Variants in OR1B1 observed in about 807,000 individuals in gnomAD.
OR1B1 encodes the protein olfactory receptor 1B1.
For missense variants in OR1B1, 414 were observed against 402.1 expected, an observed-to-expected ratio of 1.03 and a Z score of -0.25; for synonymous variants, 168 against 156.2, an observed-to-expected ratio of 1.08 and a Z score of -0.57.
chr9:122,639,705 T>C, the OR1B1 span: 1 of 150,734 alleles, frequency 6.6e-6, no homozygotes, highest in Admixed American at 6.6e-5. Flanking sequence ...CTTTGTAATC[T>C]ATCAAATTTA....
At chr9:122,634,506 ACC>A (rs937131938), upstream of OR1B1, among the ~76,000 whole-genome samples, 1 of 152,082 alleles carries the variant, frequency 6.6e-6, no homozygotes, top group Non-Finnish European at 1.5e-5. Context: ...AGAAGCAAGT[ACC>A]TTCTTCACAA....
At chr9:122,640,232 A>T in the OR1B1 span, among the ~76,000 whole-genome samples, 3 of 151,940 alleles carry the variant, frequency 2.0e-5, no homozygotes, top group Admixed American at 2.0e-4. Context: ...AATACTATAA[A>T]ATTATTAATT....
the OR1B1 span, chr9:122,637,018 C>G: frequency 5.9e-5 from 9 of 152,136 alleles, no homozygotes; most frequent in African/African-American, 1.9e-4. Flanking sequence ...TTTGAAAAGT[C>G]TCATTTTTAG....
the OR1B1 span, among the ~76,000 whole-genome samples, chr9:122,651,990 A>G: frequency 6.6e-6 from 1 of 152,106 alleles, no homozygotes; most frequent in Admixed American, 6.5e-5. Flanking sequence ...TTGAAGAAAA[A>G]AGGTCTTGCT....
chr9:122,652,368 T>A, the OR1B1 span, among the ~76,000 whole-genome samples: 2 of 152,206 alleles, frequency 1.3e-5, no homozygotes, highest in Non-Finnish European at 2.9e-5. Flanking sequence ...TTAGTTAATG[T>A]CATTTTGTTA....
At chr9:122,639,968 G>T in the OR1B1 span, among the ~76,000 whole-genome samples, 1 of 151,884 alleles carries the variant, frequency 6.6e-6, no homozygotes, top group Non-Finnish European at 1.5e-5. Context: ...CACTCCACAT[G>T]CATGATTTCA....
the OR1B1 span, among the ~76,000 whole-genome samples, chr9:122,657,493 G>C: frequency 6.6e-6 from 1 of 152,120 alleles, no homozygotes; most frequent in Non-Finnish European, 1.5e-5. Flanking sequence ...TAGATCAAGG[G>C]CTTTTAGAAC....
chr9:122,635,377 AAAT>A, the OR1B1 span, among the ~76,000 whole-genome samples: 1 of 152,168 alleles, frequency 6.6e-6, no homozygotes, highest in South Asian at 2.1e-4. Flanking sequence ...GGAAGGGAAA[AAAT>A]GAGTAGTTAG....
chr9:122,640,835 CATTT>C, the OR1B1 span, among the ~76,000 whole-genome samples: 1 of 152,124 alleles, frequency 6.6e-6, no homozygotes, highest in African/African-American at 2.4e-5. Context: ...GAAGATAATT[CATTT>C]ATTTATCCAT....
At chr9:122,638,529 C>T in the OR1B1 span, among the ~76,000 whole-genome samples, 1 of 152,102 alleles carries the variant, frequency 6.6e-6, no homozygotes, top group African/African-American at 2.4e-5. Flanking sequence ...ACATTCAGCA[C>T]CAGGATACTC....
exon 1 of OR1B1, chr9:122,628,737 G>C: frequency 6.2e-7 from 1 of 1,614,106 alleles, no homozygotes; most frequent in Non-Finnish European, 8.5e-7. Context: ...AAGGGAGGCT[G>C]GAAGTAGACA....
At chr9:122,650,592 A>G in the OR1B1 span, among the ~76,000 whole-genome samples, 13 of 152,152 alleles carry the variant, frequency 8.5e-5, no homozygotes, top group African/African-American at 2.9e-4. Flanking sequence ...CTGGAGTTCA[A>G]TGTTTAGAAA....
the OR1B1 span, among the ~76,000 whole-genome samples, chr9:122,638,183 A>G: frequency 6.6e-6 from 1 of 152,228 alleles, no homozygotes; most frequent in East Asian, 1.9e-4. Context: ...AAAATAATGA[A>G]TAGCTTATTT....
chr9:122,650,092 C>T, the OR1B1 span, among the ~76,000 whole-genome samples: 6 of 152,234 alleles, frequency 3.9e-5, no homozygotes, highest in African/African-American at 1.4e-4. Context: ...AGTTCATGTC[C>T]TTTGCAGGGA....
At chr9:122,653,510 C>T in the OR1B1 span, among the ~76,000 whole-genome samples, 1 of 152,098 alleles carries the variant, frequency 6.6e-6, no homozygotes, top group Non-Finnish European at 1.5e-5. Flanking sequence ...ATGGTAAATA[C>T]AATATAAGAC....
At chr9:122,635,544 G>A in the OR1B1 span, among the ~76,000 whole-genome samples, 3 of 152,120 alleles carry the variant, frequency 2.0e-5, no homozygotes, top group Non-Finnish European at 4.4e-5. Flanking sequence ...CAAAAAAATA[G>A]GTAACTATGT....
At chr9:122,634,335 C>CAAA (rs754164135), upstream of OR1B1, among the ~76,000 whole-genome samples, 70 of 86,800 alleles carry the variant, frequency 8.1e-4, no homozygotes, top group African/African-American at 1.8e-3. Flanking sequence ...AACTCCATCT[C>CAAA]AAAAAAAAAA....
At chr9:122,636,981 G>T in the OR1B1 span, 1 of 152,218 alleles carries the variant, frequency 6.6e-6, no homozygotes, top group Admixed American at 6.5e-5. Flanking sequence ...GGTAAAGTAG[G>T]AAGTAACTTT....
upstream of OR1B1, among the ~76,000 whole-genome samples, chr9:122,634,244 G>A (rs1351350537): frequency 6.6e-6 from 1 of 151,488 alleles, no homozygotes; most frequent in Non-Finnish European, 1.5e-5. Context: ...GCTGAGGCAG[G>A]AGAATCGCTT....
Sources: gnomAD v4.1 joint callset for allele counts (sites outside exome capture counted in the v4.1 genomes callset) on GRCh38, gnomAD v4.1.1 for gene constraint, MANE v1.5 for transcripts, NCBI Gene and HGNC (gene_info 2026-07-23, HGNC 2026-07-21) for gene names.